Variants in BRIP1 observed in about 807,000 individuals in gnomAD.
The protein encoded by BRIP1 is Fanconi anemia group J protein.
In BRIP1, 88 loss-of-function variants were observed where a neutral mutation model predicts 119.7. The observed-to-expected ratio is 0.74, with a 90% confidence interval of 0.62 to 0.88. BRIP1 has a LOEUF of 0.88. Among genes scored for constraint, BRIP1 ranks in the 40% least tolerant of loss-of-function variants. The pLI, the probability that BRIP1 is intolerant of heterozygous loss-of-function variation, is 0.00. For synonymous variants in BRIP1, 443 were observed against 496.5 expected, an observed-to-expected ratio of 0.89 and a Z score of 1.43; for missense variants, 1,259 against 1,455.4, an observed-to-expected ratio of 0.87 and a Z score of 2.20.
chr17:61,795,252 ATTCT>A lies in BRIP1; in HGVS notation c.1341-1527_1341-1524del, dbSNP rs1288895267. Among the ~76,000 whole-genome samples the A allele has an allele frequency of 1.3e-5, 2 of 152,104 alleles. No homozygotes were observed. The highest frequency in any genetic ancestry group is 1.3e-4 in the Admixed American group (2 of 15,252). Reference sequence around the variant, plus strand: ...TTTGTGTTACAAATAATCCAATTATATTCTTTTAGTTATTTTTAAATGTACAGTT... The same window carrying A: ...TTTGTGTTACAAATAATCCAATTATATTTAGTTATTTTTAAATGTACAGTT... On this transcript the variant is annotated intron_variant, in intron 9 of 19. Transcript: ENST00000259008. This position sits in a 1 kb window ranked among gnomAD's most constrained non-coding sequence, Gnocchi z 5.6.
rs1405687375 is a variant in BRIP1, at chr17:61,775,544, C to T, written c.2097+857G>A. 2.6e-5 allele frequency among the ~76,000 whole-genome samples: 4 copies of T among 152,092 alleles called. No homozygotes were observed. The highest frequency in any genetic ancestry group is 5.9e-5 in the Non-Finnish European group (4 of 68,022). On this transcript the variant is annotated intron_variant, in intron 14 of 19. Coordinates refer to ENST00000259008, the MANE Select transcript of BRIP1 (RefSeq NM_032043.3). The surrounding 1 kb of genome is among the most constrained non-coding windows in gnomAD (Gnocchi z 4.4). ...TAGATTTTGATGCAATGTGATGTTA[C>T]TTTCAGGAATTATAAGTGGTTTCAA...
rs1267614899 is a variant in BRIP1, at chr17:61,807,954, A to C, written c.918+513T>G. ...CCACCAATGACATCTTTTGAAAGTT[A>C]ATAATTTAGTATAACTTTTAAAAGA... On this transcript the variant is annotated intron_variant, in intron 7 of 19. Transcript: ENST00000259008. This position sits in a 1 kb window ranked among gnomAD's most constrained non-coding sequence, Gnocchi z 4.5. Among the ~76,000 whole-genome samples, 1 of 152,156 alleles carries C rather than the reference A, an allele frequency of 6.6e-6. No individual in the cohort carries two copies. Among genetic ancestry groups the C allele is most frequent in the East Asian group, 1.9e-4 (1 of 5,204 alleles).
At position 61,813,205 on chromosome 17, in the gene BRIP1, AAGAG is replaced by A. The variant is rs562414970; in HGVS notation, c.628-4452_628-4449del. Among the ~76,000 whole-genome samples the A allele has an allele frequency of 1.5e-4, 23 of 152,108 alleles. No homozygotes were observed. The East Asian group carries it at 3.5e-3, about 23-fold the overall frequency. On this transcript the variant is annotated intron_variant, in intron 6 of 19. Coordinates refer to ENST00000259008, the MANE Select transcript of BRIP1 (RefSeq NM_032043.3). The stretch of plus-strand genomic sequence containing the variant: ...AAGAAGTAGAGAGAAAAAGAGAATG[AAGAG>A]AAACCTGTTTGAGTGAAATAAAAGG...
chr17:61,683,285 G>A lies in BRIP1; in HGVS notation c.*11C>T. On this transcript the variant is annotated 3_prime_UTR_variant, in exon 20 of 20. Transcript: ENST00000259008. This position sits in a 1 kb window ranked among gnomAD's most constrained non-coding sequence, Gnocchi z 4.7. ...TGACATATTTTTACTTAGCTTGAGA[G>A]TTAAGTATTATTACTTAAAACCAGG... The A allele has an allele frequency of 4.4e-6, 7 of 1,602,558 alleles. No homozygotes were observed. Among genetic ancestry groups the A allele is most frequent in the South Asian group, 1.1e-5 (1 of 90,238 alleles).
At chr17:61,829,812 A>G (rs902815244) in intron 6 of BRIP1, among the ~76,000 whole-genome samples, 1 of 152,320 alleles carries the variant, frequency 6.6e-6, no homozygotes, top group Non-Finnish European at 1.5e-5. Context: ...TAACAACATC[A>G]AAATTTGTGG....
At chr17:61,727,719 C>A (rs2076784657) in intron 16 of BRIP1, among the ~76,000 whole-genome samples, 1 of 152,004 alleles carries the variant, frequency 6.6e-6, no homozygotes, top group African/African-American at 2.4e-5. Context: ...GCCATGATCT[C>A]ACCACTGCAT....
rs2061507182 is a variant in BRIP1 at position 61,695,503 on chromosome 17, GC to G, written c.2493-1992del. On this transcript the variant is annotated intron_variant, in intron 17 of 19. Transcript: ENST00000259008. This position sits in a 1 kb window ranked among gnomAD's most constrained non-coding sequence, Gnocchi z 4.3. ...CTTTTCCATAATAATTTTAGAATCA[GC>G]TTCTCAATTCCTGCCAGAAAGTCAG... 6.6e-6 allele frequency among the ~76,000 whole-genome samples: 1 copy of G among 152,056 alleles called. No homozygotes were observed. The highest frequency in any genetic ancestry group is 1.5e-5 in the Non-Finnish European group (1 of 67,956).
At position 61,846,262 on chromosome 17, in the gene BRIP1, AAGAG is replaced by A. The variant is rs1305533908; in HGVS notation, c.627+835_627+838del. On this transcript the variant is annotated intron_variant, in intron 6 of 19. Transcript: ENST00000259008. The surrounding 1 kb of genome is among the most constrained non-coding windows in gnomAD (Gnocchi z 4.3). ...AGAGAGAAAAAGAGAGAGAGAGAGA[AAGAG>A]AGAGAGAGAGAGGTTGGAGCCAATA... Among the ~76,000 whole-genome samples, 2 of 142,636 alleles carry A rather than the reference AAGAG, an allele frequency of 1.4e-5. No homozygotes were observed. Among genetic ancestry groups the A allele is most frequent in the Non-Finnish European group, 1.5e-5 (1 of 67,008 alleles). 93.6% of individuals were successfully genotyped at this position (142,636 alleles called of 152,430 possible).
Position 61,693,529 on chromosome 17 carries a change from A to G in BRIP1, c.2493-17T>C. 1.9e-6 allele frequency: 3 copies of G among 1,583,556 alleles called. No individual in the cohort carries two copies. The highest frequency in any genetic ancestry group is 1.7e-4 in the Middle Eastern group (1 of 5,966). ...CTAATACATCTAGAAAAAATAGGGA[A>G]AAAGTCAAATAATTATAACATCGGA... is the stretch of plus-strand genomic sequence containing the variant. On this transcript the variant is annotated splice_polypyrimidine_tract_variant and intron_variant, in intron 17 of 19. Transcript: ENST00000259008. This position sits in a 1 kb window ranked among gnomAD's most constrained non-coding sequence, Gnocchi z 4.2.
At chr17:61,688,262 C>G (rs1409845020) in intron 18 of BRIP1, among the ~76,000 whole-genome samples, 1 of 152,094 alleles carries the variant, frequency 6.6e-6, no homozygotes, top group Admixed American at 6.5e-5. Flanking sequence ...TGACTTGAGC[C>G]CAGAGCCCAG....
chr17:61,797,451 T>C (rs904629235), intron 9 of BRIP1, among the ~76,000 whole-genome samples: 4 of 151,990 alleles, frequency 2.6e-5, no homozygotes, highest in Non-Finnish European at 5.9e-5. Context: ...TTTGGCAATA[T>C]AGAGATCACT....
intron 14 of BRIP1, among the ~76,000 whole-genome samples, chr17:61,772,399 G>T (rs1394800762): frequency 6.6e-6 from 1 of 151,716 alleles, no homozygotes; most frequent in Non-Finnish European, 1.5e-5. Flanking sequence ...AACAGGAAAT[G>T]GGGAAAAGGA....
At chr17:61,737,006 C>T (rs965032055) in intron 16 of BRIP1, among the ~76,000 whole-genome samples, 1 of 151,690 alleles carries the variant, frequency 6.6e-6, no homozygotes, top group Non-Finnish European at 1.5e-5. Context: ...GTGACAATAA[C>T]AATATAAAAA....
Position 61,834,496 on chromosome 17 carries a change from C to A in BRIP1, c.627+12605G>T, listed in dbSNP as rs1054883816. Among the ~76,000 whole-genome samples the A allele has an allele frequency of 6.6e-6, 1 of 152,002 alleles. No homozygotes were observed. Among genetic ancestry groups the A allele is most frequent in the African/African-American group, 2.4e-5 (1 of 41,358 alleles). ...CTGGGTATATATGTAATATATACTA[C>A]GTAACAAAAATGGCAACAAATTCTA... On this transcript the variant is annotated intron_variant, in intron 6 of 19. Transcript: ENST00000259008. This position sits in a 1 kb window ranked among gnomAD's most constrained non-coding sequence, Gnocchi z 4.4.
In BRIP1 at chr17:61,857,291, C is replaced by G. The variant is rs2145832679; in HGVS notation, c.206-60G>C. ...TAATTAAATAAACATCAATCATTCT[C>G]TACAGCCCAGTTCACCCAGGATTGG... is the stretch of plus-strand genomic sequence containing the variant. On this transcript the variant is annotated intron_variant, in intron 3 of 19. Coordinates refer to ENST00000259008, the MANE Select transcript of BRIP1 (RefSeq NM_032043.3). The surrounding 1 kb of genome is among the most constrained non-coding windows in gnomAD (Gnocchi z 5.1). The G allele has an allele frequency of 6.9e-7, 1 of 1,445,374 alleles. No homozygotes were observed. The allele number at this position is 1,445,374 out of a possible 1,614,324, so 89.5% of individuals were successfully genotyped here.
chr17:61,807,120 C>A lies in BRIP1; in HGVS notation c.918+1347G>T, dbSNP rs2078085816. Among the ~76,000 whole-genome samples the A allele has an allele frequency of 6.6e-6, 1 of 152,156 alleles. No individual in the cohort carries two copies. The highest frequency in any genetic ancestry group is 1.5e-5 in the Non-Finnish European group (1 of 68,032). On this transcript the variant is annotated intron_variant, in intron 7 of 19. Coordinates refer to ENST00000259008, the MANE Select transcript of BRIP1 (RefSeq NM_032043.3). This position sits in a 1 kb window ranked among gnomAD's most constrained non-coding sequence, Gnocchi z 4.5. ...ATATAGCCAAAAAATAAATTTCAAG[C>A]ATTTGAGGAATTCAGCAGATCACTT...
In BRIP1 at chr17:61,748,134, G is replaced by C. The variant is rs190639775; in HGVS notation, c.2098-3543C>G. Among the ~76,000 whole-genome samples, 346 of 152,264 alleles carry C rather than the reference G, an allele frequency of 2.3e-3. No individual in the cohort carries two copies. Among genetic ancestry groups the C allele is most frequent in the Middle Eastern group, 6.8e-3 (2 of 294 alleles). On this transcript the variant is annotated intron_variant, in intron 14 of 19. Transcript: ENST00000259008. This position sits in a 1 kb window ranked among gnomAD's most constrained non-coding sequence, Gnocchi z 4.7. The stretch of plus-strand genomic sequence containing the variant: ...AGCAGGAGGTGAGTGGCAGGTGAGT[G>C]AGCATTACTGCCTGAGCTCAGTCTC...
Position 61,823,974 on chromosome 17 carries a change from TG to T in BRIP1, c.628-15218del, listed in dbSNP as rs1341408628. Among the ~76,000 whole-genome samples, 1 of 152,154 alleles carries T rather than the reference TG, an allele frequency of 6.6e-6. No homozygotes were observed. Among genetic ancestry groups the T allele is most frequent in the East Asian group, 1.9e-4 (1 of 5,174 alleles). On this transcript the variant is annotated intron_variant, in intron 6 of 19. Transcript: ENST00000259008. This position sits in a 1 kb window ranked among gnomAD's most constrained non-coding sequence, Gnocchi z 4.8. ...GATTACAGGCATGTGCCGCCGCACC[TG>T]CCTAATTTTTTGTATTTTTAGTAGA... is the stretch of plus-strand genomic sequence containing the variant.
rs1360565048 is a variant in BRIP1 at position 61,825,644 on chromosome 17, A to AATAG, written c.628-16888_628-16887insCTAT. Among the ~76,000 whole-genome samples the AATAG allele has an allele frequency of 6.6e-6, 1 of 150,396 alleles. No individual in the cohort carries two copies. The highest frequency in any genetic ancestry group is 1.5e-5 in the Non-Finnish European group (1 of 67,568). The stretch of plus-strand genomic sequence containing the variant: ...CCACAAATAAATAAATAAATAAATA[A>AATAG]ATAAATAAATAAATAAATAAATAAA... On this transcript the variant is annotated intron_variant, in intron 6 of 19. Transcript: ENST00000259008. This position sits in a 1 kb window ranked among gnomAD's most constrained non-coding sequence, Gnocchi z 4.1.
Sources: gnomAD v4.1 joint callset for allele counts (sites outside exome capture counted in the v4.1 genomes callset) on GRCh38, gnomAD v4.1.1 for gene constraint, Gnocchi (gnomAD v3.1) non-coding constraint, MANE v1.5 for transcripts, NCBI Gene and HGNC (gene_info 2026-07-23, HGNC 2026-07-21) for gene names.